SREBF2: variants seen among roughly 807,000 people sequenced by gnomAD.
The protein encoded by SREBF2 is sterol regulatory element binding transcription factor 2.
A neutral mutation model predicts 113.1 loss-of-function variants in SREBF2; 55 were observed. The observed-to-expected ratio is 0.49, with a 90% confidence interval of 0.39 to 0.61. The LOEUF (loss-of-function observed/expected upper bound fraction) is 0.61. Ranked by LOEUF, SREBF2 falls within the 20% of genes least tolerant of loss-of-function variation. The pLI is 0.00. For missense variants in SREBF2, 1,349 were observed against 1,487.4 expected, an observed-to-expected ratio of 0.91 and a Z score of 1.53; for synonymous variants, 593 against 605.7, an observed-to-expected ratio of 0.98 and a Z score of 0.31.
intron 1 of SREBF2, among the ~76,000 whole-genome samples, chr22:41,839,627 T>A (rs555965142): frequency 6.6e-6 from 1 of 152,352 alleles, no homozygotes; most frequent in Non-Finnish European, 1.5e-5. Context: ...TGAGCTGATC[T>A]ACTTTCTGTC....
intron 13 of SREBF2, among the ~76,000 whole-genome samples, chr22:41,895,453 G>C (rs191270699): frequency 0.042 from 1,435 of 34,444 alleles, 25 homozygotes; most frequent in African/African-American, 0.15. Context: ...TTTTTTTTTT[G>C]AGATGGAGTT....
chr22:41,904,780 C>T lies in SREBF2; in HGVS notation c.3094-83C>T, dbSNP rs17848336. The T allele has an allele frequency of 1.7e-4, 190 of 1,113,150 alleles. 4 individuals carry two copies. In the East Asian group the frequency reaches 4.0e-3, roughly 23 times the overall value. 69.0% of individuals were successfully genotyped at this position (1,113,150 alleles called of 1,614,324 possible). The stretch of plus-strand genomic sequence containing the variant: ...GGAAGGGATGTCATGAGGTGGCAGG[C>T]GAGATGGCTCAGGGAGAGCTACCCT... On this transcript the variant is annotated intron_variant, in intron 17 of 18. Coordinates refer to ENST00000361204, the MANE Select transcript of SREBF2 (RefSeq NM_004599.4).
Position 41,898,756 on chromosome 22 carries a change from A to C in SREBF2, c.2713A>C (p.Ile905Leu). ...VRSHFTKVER[I>L]PKALEVTESP... ...CTCTCATTTTACCAAAGTGGAACGCATCCCCAAGGCCCTGGAAGTGACAGA... is the reference window on the plus strand; with the variant it reads ...CTCTCATTTTACCAAAGTGGAACGCCTCCCCAAGGCCCTGGAAGTGACAGA... The change falls in exon 15 of 19, where the codon ATC becomes CTC. Residue 905 changes from isoleucine to leucine, a missense_variant. Around this residue, in one of 2 missense-constraint regions of SREBF2, gnomAD observed 650 missense variants for 644.1 expected, o/e 1.01. Transcript: ENST00000361204. 1 of 1,614,122 alleles carries C rather than the reference A, an allele frequency of 6.2e-7. No individual in the cohort carries two copies. The highest frequency in any genetic ancestry group is 8.5e-7 in the Non-Finnish European group (1 of 1,180,004).
At chr22:41,886,988 C>G (rs555266025) in intron 11 of SREBF2, among the ~76,000 whole-genome samples, 3 of 152,220 alleles carry the variant, frequency 2.0e-5, no homozygotes, top group Non-Finnish European at 4.4e-5. Flanking sequence ...GAGCGGAGAT[C>G]ACGCCATTGC....
At chr22:41,839,825 A>G (rs563140887) in intron 1 of SREBF2, among the ~76,000 whole-genome samples, 31 of 152,304 alleles carry the variant, frequency 2.0e-4, no homozygotes, top group Non-Finnish European at 4.3e-4. Flanking sequence ...TGAAGCTGCT[A>G]CAAACTTGTG....
intron 10 of SREBF2, among the ~76,000 whole-genome samples, chr22:41,884,133 G>GTT (rs569611015): frequency 1.3e-3 from 195 of 151,138 alleles, no homozygotes; most frequent in African/African-American, 4.4e-3. Flanking sequence ...GTGAAGGCGG[G>GTT]TTTTTTTTTG....
chr22:41,904,850 G>T lies in SREBF2; in HGVS notation c.3094-13G>T. On this transcript the variant is annotated splice_polypyrimidine_tract_variant and intron_variant, in intron 17 of 18. Transcript: ENST00000361204. ...CCAGGGGTGTGATGGATGTCACCCC[G>T]GCACCTCCCCAGGTGTTCCTGCATG... 1.3e-6 allele frequency: 2 copies of T among 1,572,440 alleles called. No individual in the cohort carries two copies. Among genetic ancestry groups the T allele is most frequent in the Non-Finnish European group, 1.7e-6 (2 of 1,159,772 alleles).
chr22:41,864,092 T>C (rs1365132847), intron 1 of SREBF2, among the ~76,000 whole-genome samples: 2 of 150,266 alleles, frequency 1.3e-5, no homozygotes, highest in African/African-American at 4.9e-5. Context: ...TTTGTCAGGC[T>C]GGTCTCGAAC....
rs774173456 is a variant in SREBF2 at position 41,866,935 on chromosome 22, G to A, written c.193G>A (p.Gly65Ser). Residue 65 changes from glycine to serine, a missense_variant, in exon 2 of 19, where the codon GGC becomes AGC. This residue lies in a region of SREBF2 where 699 missense variants were observed against 843.3 expected (regional missense o/e 0.83). Transcript: ENST00000361204. The stretch of plus-strand genomic sequence containing the variant: ...CAGTGGTGGTAGTGGTAGCAGCAGC[G>A]GCAGCAGTGGCAGCAGCAGCAGCAG... ...PGSGGSGSSS[G>S]SSGSSSSSSN... The A allele has an allele frequency of 2.9e-5, 47 of 1,613,054 alleles. No individual in the cohort carries two copies. The highest frequency in any genetic ancestry group is 9.4e-5 in the African/African-American group (7 of 74,332).
At chr22:41,860,815 G>A (rs1381959801) in intron 1 of SREBF2, among the ~76,000 whole-genome samples, 1 of 152,084 alleles carries the variant, frequency 6.6e-6, no homozygotes, top group African/African-American at 2.4e-5. Context: ...AAGCACAGGA[G>A]GTAGAGGCTG....
intron 17 of SREBF2, chr22:41,904,539 C>T (rs1457223659): frequency 1.8e-6 from 1 of 559,424 alleles, no homozygotes; most frequent in Non-Finnish European, 3.5e-6. Flanking sequence ...CTGCAGGCAG[C>T]CTCCAGGGCC....
intron 11 of SREBF2, among the ~76,000 whole-genome samples, chr22:41,892,582 A>AGCTTGCAGT: frequency 6.9e-6 from 1 of 144,312 alleles, no homozygotes; most frequent in South Asian, 2.2e-4. Context: ...CGGGAGGCAG[A>AGCTTGCAGT]GCTTGCAGTG....
Position 41,833,383 on chromosome 22 carries a change from CG to C in SREBF2, c.88+30del, listed in dbSNP as rs1569363828. The C allele has an allele frequency of 8.2e-6, 4 of 488,820 alleles. No homozygotes were observed. Among genetic ancestry groups the C allele is most frequent in the East Asian group, 6.3e-5 (1 of 15,972 alleles). The allele number at this position is 488,820 out of a possible 1,614,324, so 30.3% of individuals were successfully genotyped here. ...GGTGAGTGGTGGGTGGGTGGGAGTGCGGGGGCCGCGCGGGGAGGAAGGGGTT... is the reference window on the plus strand; with the variant it reads ...GGTGAGTGGTGGGTGGGTGGGAGTGCGGGGCCGCGCGGGGAGGAAGGGGTT... On this transcript the variant is annotated intron_variant, in intron 1 of 18. Coordinates refer to ENST00000361204, the MANE Select transcript of SREBF2 (RefSeq NM_004599.4). This position sits in a 1 kb window ranked among gnomAD's most constrained non-coding sequence, Gnocchi z 4.1.
In SREBF2 at chr22:41,898,952, G is replaced by A; in HGVS notation, c.2738+171G>A. 5 of 937,518 alleles carry A rather than the reference G, an allele frequency of 5.3e-6. 1 individual carries two copies. The highest frequency in any genetic ancestry group is 4.2e-5 in the South Asian group (3 of 70,664). The allele number at this position is 937,518 out of a possible 1,614,324, so 58.1% of individuals were successfully genotyped here. On this transcript the variant is annotated intron_variant, in intron 15 of 18. Transcript: ENST00000361204. ...GGGCACCATGGAGAACTCAAGTTGG[G>A]CCAGCAGGTCCTCTGTGCAAGTGTC...
At position 41,875,732 on chromosome 22, in the gene SREBF2, C is replaced by G. The variant is rs1345786781; in HGVS notation, c.1386+8C>G. Reference sequence around the variant, plus strand: ...CTATTGGATGATGCAAAGGTACAGACTTTTGAAATCTCCTGATCCCTGGAA... The same window carrying G: ...CTATTGGATGATGCAAAGGTACAGAGTTTTGAAATCTCCTGATCCCTGGAA... On this transcript the variant is annotated splice_region_variant and intron_variant, in intron 7 of 18. Transcript: ENST00000361204. The G allele has an allele frequency of 1.2e-6, 2 of 1,613,964 alleles. No homozygotes were observed. The highest frequency in any genetic ancestry group is 2.7e-5 in the African/African-American group (2 of 74,926).
At chr22:41,881,131 T>C in intron 10 of SREBF2, 139 bp downstream of exon 10, 2 of 1,177,592 alleles carry the variant, frequency 1.7e-6, no homozygotes, top group African/African-American at 1.5e-5. Flanking sequence ...ACCAAGCTTC[T>C]ACCTGTTTTC....
chr22:41,898,681 G>A lies in SREBF2; in HGVS notation c.2638G>A (p.Ala880Thr), dbSNP rs779058826. Reference sequence around the variant, plus strand: ...CATCATCTGTCGGTGGTGGACGTCTGCAATCACTGTGGCCATCAGCTGGCT... The same window carrying A: ...CATCATCTGTCGGTGGTGGACGTCTACAATCACTGTGGCCATCAGCTGGCT... ...PDIICRWWTS[A>T]ITVAISWLQG... The change falls in exon 15 of 19, where the codon GCA (alanine) becomes ACA (threonine). Residue 880 changes from alanine to threonine, a missense_variant. By Grantham distance (58) the Ala-to-Thr change is moderately conservative (BLOSUM62 0). Coordinates refer to ENST00000361204, the MANE Select transcript of SREBF2 (RefSeq NM_004599.4). The A allele has an allele frequency of 6.2e-7, 1 of 1,613,958 alleles. No individual in the cohort carries two copies. The highest frequency in any genetic ancestry group is 8.5e-7 in the Non-Finnish European group (1 of 1,180,000).
At chr22:41,856,090 G>A (rs1602286525) in intron 1 of SREBF2, among the ~76,000 whole-genome samples, 1 of 150,222 alleles carries the variant, frequency 6.7e-6, no homozygotes, top group African/African-American at 2.4e-5. Context: ...GGCATATAAC[G>A]TTTTTTTTTG....
intron 4 of SREBF2, among the ~76,000 whole-genome samples, chr22:41,872,633 G>A (rs1255108473): frequency 6.6e-6 from 1 of 152,204 alleles, no homozygotes; most frequent in Non-Finnish European, 1.5e-5. Context: ...GCTCACGCCT[G>A]TATTCCCAGC....
Sources: gnomAD v4.1 joint callset for allele counts (sites outside exome capture counted in the v4.1 genomes callset) on GRCh38, gnomAD v4.1.1 for gene constraint, gnomAD v4.1.1 regional missense constraint, Gnocchi (gnomAD v3.1) non-coding constraint, MANE v1.5 for transcripts, NCBI Gene and HGNC (gene_info 2026-07-23, HGNC 2026-07-21) for gene names.